AGAP1: variants seen among roughly 807,000 people sequenced by gnomAD.
The protein encoded by AGAP1 is ArfGAP with GTPase domain, ankyrin repeat and PH domain 1.
A neutral mutation model predicts 105.3 loss-of-function variants in AGAP1; 29 were observed. The ratio of observed to expected loss-of-function variants is 0.28; its 90% CI spans 0.21 to 0.38. The LOEUF is 0.38. AGAP1 is among the 10% of genes least tolerant of loss of function. The pLI is 1.00. For synonymous variants in AGAP1, 509 were observed against 485.9 expected (o/e 1.05, Z -0.63); for missense variants, 998 against 1,165.1 (o/e 0.86, Z 2.09).
Position 235,678,915 on chromosome 2 carries a change from C to T in AGAP1, c.164-30264C>T, listed in dbSNP as rs572458983. On this transcript the variant is annotated intron_variant, in intron 1 of 17. Transcript: ENST00000304032. ...TTGTGTTTCGCCATGTAGCCCCTCTCGATACCGATGCCATTTGTCTTCTGG... is the reference window on the plus strand; with the variant it reads ...TTGTGTTTCGCCATGTAGCCCCTCTTGATACCGATGCCATTTGTCTTCTGG... Among the ~76,000 whole-genome samples, 7 of 152,266 alleles carry T rather than the reference C, an allele frequency of 4.6e-5. No homozygotes were observed. In the South Asian group the frequency reaches 6.2e-4, roughly 14 times the overall value.
rs1204358034 is a variant in AGAP1, at chr2:235,982,182, C to T, written c.1645+13559C>T. 6.6e-6 allele frequency among the ~76,000 whole-genome samples: 1 copy of T among 152,164 alleles called. No homozygotes were observed. Among genetic ancestry groups the T allele is most frequent in the Non-Finnish European group, 1.5e-5 (1 of 68,036 alleles). The stretch of plus-strand genomic sequence containing the variant: ...CTGGCATATATAATGATGATCTCTT[C>T]GCAGCCTGGTAATTTTACCTGGACA... On this transcript the variant is annotated intron_variant, in intron 13 of 17. Transcript: ENST00000304032. This position sits in a 1 kb window ranked among gnomAD's most constrained non-coding sequence, Gnocchi z 4.9.
rs757114990 is a variant in AGAP1, at chr2:235,958,533, G to A, written c.1484-9929G>A. On this transcript the variant is annotated intron_variant, in intron 12 of 17. Coordinates refer to ENST00000304032, the MANE Select transcript of AGAP1 (RefSeq NM_001037131.3). This position sits in a 1 kb window ranked among gnomAD's most constrained non-coding sequence, Gnocchi z 4.1. Reference sequence around the variant, plus strand: ...TCAAAAACCTATCAGCACACCTGGCGAGGACCCTCACCAAGGCGAGCTCCC... The same window carrying A: ...TCAAAAACCTATCAGCACACCTGGCAAGGACCCTCACCAAGGCGAGCTCCC... 1.2e-4 allele frequency among the ~76,000 whole-genome samples: 18 copies of A among 152,124 alleles called. No homozygotes were observed. Among genetic ancestry groups the A allele is most frequent in the Admixed American group, 2.6e-4 (4 of 15,280 alleles).
At chr2:235,713,319 G>A (rs997965707) in intron 2 of AGAP1, among the ~76,000 whole-genome samples, 1 of 152,070 alleles carries the variant, frequency 6.6e-6, no homozygotes, top group Non-Finnish European at 1.5e-5. Flanking sequence ...AGAGGCCCAG[G>A]GTAAAAAAAG....
intron 1 of AGAP1, among the ~76,000 whole-genome samples, chr2:235,640,141 G>A (rs751808543): frequency 6.6e-6 from 1 of 152,192 alleles, no homozygotes; most frequent in Admixed American, 6.5e-5. Flanking sequence ...GTGGACAGTT[G>A]CTCTTAGTCA....
chr2:236,090,977 G>GTAGCAATGCCCAGGGAAACTGTGTGTC lies in AGAP1; in HGVS notation c.2115-29215_2115-29214insTAGCAATGCCCAGGGAAACTGTGTGTC. 1.3e-5 allele frequency among the ~76,000 whole-genome samples: 2 copies of GTAGCAATGCCCAGGGAAACTGTGTGTC among 152,236 alleles called. No individual in the cohort carries two copies. The highest frequency in any genetic ancestry group is 4.8e-5 in the African/African-American group (2 of 41,474). ...TGGTGTCGACCTCCTGACCTCAGGT[G>GTAGCAATGCCCAGGGAAACTGTGTGTC]ATCTGCCCACCTCGGCCTCCCGAAG... On this transcript the variant is annotated intron_variant, in intron 16 of 17. Coordinates refer to ENST00000304032, the MANE Select transcript of AGAP1 (RefSeq NM_001037131.3). This position sits in a 1 kb window ranked among gnomAD's most constrained non-coding sequence, Gnocchi z 4.3.
At chr2:235,718,581 C>G (rs1323225291) in intron 3 of AGAP1, among the ~76,000 whole-genome samples, 1 of 152,066 alleles carries the variant, frequency 6.6e-6, no homozygotes, top group African/African-American at 2.4e-5. Flanking sequence ...AGCAGTAGTC[C>G]CAAGCAGCTT....
rs2059424720 is a variant in AGAP1, at chr2:236,104,032, A to G, written c.2115-16160A>G. Among the ~76,000 whole-genome samples the G allele has an allele frequency of 6.6e-6, 1 of 152,236 alleles. No individual in the cohort carries two copies. Among genetic ancestry groups the G allele is most frequent in the Non-Finnish European group, 1.5e-5 (1 of 68,022 alleles). ...AGGGTTTTATCCCCTTTTTGCGGGTAGGGAAATTGAATATTCAAACCCAGG... is the reference window on the plus strand; with the variant it reads ...AGGGTTTTATCCCCTTTTTGCGGGTGGGGAAATTGAATATTCAAACCCAGG... On this transcript the variant is annotated intron_variant, in intron 16 of 17. Coordinates refer to ENST00000304032, the MANE Select transcript of AGAP1 (RefSeq NM_001037131.3). This position sits in a 1 kb window ranked among gnomAD's most constrained non-coding sequence, Gnocchi z 4.7.
chr2:236,044,120 T>C lies in AGAP1; in HGVS notation c.1891+3279T>C, dbSNP rs5001954. Reference sequence around the variant, plus strand: ...TCTATAAAGGGATTCTGAGAGCCAGTGAATTTGGGAAACTCTTAACAACGT... The same window carrying C: ...TCTATAAAGGGATTCTGAGAGCCAGCGAATTTGGGAAACTCTTAACAACGT... On this transcript the variant is annotated intron_variant, in intron 15 of 17. Coordinates refer to ENST00000304032, the MANE Select transcript of AGAP1 (RefSeq NM_001037131.3). This position sits in a 1 kb window ranked among gnomAD's most constrained non-coding sequence, Gnocchi z 5.7. Among the ~76,000 whole-genome samples the C allele has an allele frequency of 0.1, 15,210 of 149,234 alleles. 878 individuals carry two copies. The highest frequency in any genetic ancestry group is 0.14 in the Non-Finnish European group (9,097 of 66,094).
At chr2:235,800,116 T>TTTTC (rs1957424610) in intron 8 of AGAP1, among the ~76,000 whole-genome samples, 2 of 151,462 alleles carry the variant, frequency 1.3e-5, no homozygotes, top group Non-Finnish European at 2.9e-5. Context: ...TTTTTTTTTT[T>TTTTC]TTTCTTTTGA....
intron 1 of AGAP1, among the ~76,000 whole-genome samples, chr2:235,565,000 G>T (rs1944300351): frequency 6.7e-6 from 1 of 149,154 alleles, no homozygotes; most frequent in Non-Finnish European, 1.5e-5. Context: ...CCAGGGCCAG[G>T]TGTAAGCCAG....
rs532887943 is a variant in AGAP1 at position 235,972,548 on chromosome 2, G to C, written c.1645+3925G>C. Among the ~76,000 whole-genome samples the C allele has an allele frequency of 8.1e-4, 123 of 152,296 alleles. 1 individual carries two copies. Among genetic ancestry groups the C allele is most frequent in the African/African-American group, 2.6e-3 (110 of 41,564 alleles). On this transcript the variant is annotated intron_variant, in intron 13 of 17. Transcript: ENST00000304032. ...GGGCAACTATTTGGGAAAGCTTCCAGCTAGGAGCTGTGGCCTTCAAGAAAG... is the reference window on the plus strand; with the variant it reads ...GGGCAACTATTTGGGAAAGCTTCCACCTAGGAGCTGTGGCCTTCAAGAAAG...
At chr2:235,945,482 C>T (rs1464609802) in intron 12 of AGAP1, among the ~76,000 whole-genome samples, 1 of 152,342 alleles carries the variant, frequency 6.6e-6, no homozygotes, top group Middle Eastern at 3.4e-3. Context: ...ATCTGTTGCA[C>T]ATGTTTCAGC....
At chr2:235,606,672 G>T (rs899449855) in intron 1 of AGAP1, among the ~76,000 whole-genome samples, 1 of 152,064 alleles carries the variant, frequency 6.6e-6, no homozygotes, top group Non-Finnish European at 1.5e-5. Flanking sequence ...AAACCTTTTG[G>T]CTTGGTGGCT....
chr2:235,508,435 G>C (rs1468926420), intron 1 of AGAP1, among the ~76,000 whole-genome samples: 2 of 152,208 alleles, frequency 1.3e-5, no homozygotes, highest in African/African-American at 4.8e-5. Context: ...GCAGATCTCG[G>C]TTTGTGATTT....
intron 1 of AGAP1, among the ~76,000 whole-genome samples, chr2:235,571,997 CACACACTT>C (rs1349806840): frequency 1.2e-4 from 14 of 121,360 alleles, no homozygotes; most frequent in African/African-American, 3.2e-4. Context: ...CACACACACA[CACACACTT>C]TTTTTTTTTT....
intron 13 of AGAP1, among the ~76,000 whole-genome samples, chr2:236,010,757 A>G (rs1212667743): frequency 6.6e-6 from 1 of 152,208 alleles, no homozygotes; most frequent in Non-Finnish European, 1.5e-5. Flanking sequence ...GAAAATTAAT[A>G]CCATTGTTAT....
intron 3 of AGAP1, among the ~76,000 whole-genome samples, chr2:235,730,669 G>A (rs1346131465): frequency 6.6e-6 from 1 of 151,942 alleles, no homozygotes; most frequent in Admixed American, 6.6e-5. Flanking sequence ...TAAAATAAAT[G>A]TATAAAATAT....
In AGAP1 at chr2:235,716,915, C is replaced by G. The variant is rs146156386; in HGVS notation, c.223-642C>G. On this transcript the variant is annotated intron_variant, in intron 2 of 17. Transcript: ENST00000304032. This position sits in a 1 kb window ranked among gnomAD's most constrained non-coding sequence, Gnocchi z 4.0. ...GGGTCGCCTTCTAATCCAGCACAAACGAGCACCTTTGCCGTCTCTCCCAGC... is the reference window on the plus strand; with the variant it reads ...GGGTCGCCTTCTAATCCAGCACAAAGGAGCACCTTTGCCGTCTCTCCCAGC... Among the ~76,000 whole-genome samples the G allele has an allele frequency of 6.6e-6, 1 of 152,022 alleles. No individual in the cohort carries two copies. The highest frequency in any genetic ancestry group is 1.5e-5 in the Non-Finnish European group (1 of 67,988).
At position 235,811,297 on chromosome 2, in the gene AGAP1, G is replaced by A. The variant is rs545712504; in HGVS notation, c.1050+3966G>A. The stretch of plus-strand genomic sequence containing the variant: ...CTCTGATGTCCAGGCTGCATAAACC[G>A]TTCAAGACTTGCCTTGTACTTGGTA... On this transcript the variant is annotated intron_variant, in intron 9 of 17. Transcript: ENST00000304032. 5.9e-5 allele frequency among the ~76,000 whole-genome samples: 9 copies of A among 152,318 alleles called. No homozygotes were observed. In the South Asian group the frequency reaches 1.0e-3, roughly 18 times the overall value.
Sources: allele counts gnomAD v4.1 joint callset (sites outside exome capture counted in the v4.1 genomes callset), GRCh38; gene constraint gnomAD v4.1.1; non-coding constraint Gnocchi (gnomAD v3.1); transcripts MANE v1.5; gene names NCBI Gene and HGNC (gene_info 2026-07-23, HGNC 2026-07-21).